The following CPS1 variants were observed in gnomAD, a reference collection of about 807,000 sequenced individuals.
CPS1 encodes the protein carbamoyl-phosphate synthase [ammonia], mitochondrial.
Under a neutral mutation model 174.6 loss-of-function variants are expected in CPS1, and 109 were observed. That is an observed-to-expected ratio of 0.62 (90% confidence interval 0.53 to 0.73). CPS1 has a LOEUF of 0.73. CPS1 is among the 30% of genes least tolerant of loss of function. CPS1 has a pLI of 0.00. For synonymous variants in CPS1, 637 were observed against 632.0 expected (o/e 1.01, Z -0.12); for missense variants, 1,689 against 1,821.9 (o/e 0.93, Z 1.33).
chr2:210,525,987 T>A (rs1197371152), intron 1 of CPS1, among the ~76,000 whole-genome samples: 1 of 150,732 alleles, frequency 6.6e-6, no homozygotes, highest in African/African-American at 2.4e-5. Context: ...CAATGAAGAG[T>A]CCACTGGGGA....
intron 30 of CPS1, chr2:210,657,701 C>G (rs1325765139): frequency 2.0e-5 from 3 of 152,256 alleles, no homozygotes; most frequent in African/African-American, 7.2e-5. Context: ...GTGAGCTTTT[C>G]CAGTGACCCT....
chr2:210,661,009 C>G (rs1350695537), intron 32 of CPS1, among the ~76,000 whole-genome samples: 1 of 152,216 alleles, frequency 6.6e-6, no homozygotes, highest in Non-Finnish European at 1.5e-5. Context: ...CCAACTCTTA[C>G]ATGACTTTTG....
At chr2:210,590,370 C>A in intron 8 of CPS1, 136 bp downstream of exon 8, 1 of 1,299,244 alleles carries the variant, frequency 7.7e-7, no homozygotes, top group Non-Finnish European at 1.1e-6. Flanking sequence ...GAGGCAGTGT[C>A]AGTAGAGATA....
chr2:210,608,386 A>G lies in CPS1; in HGVS notation c.2218A>G (p.Lys740Glu). The change falls in exon 19 of 38, where the codon AAG becomes GAG. Residue 740 changes from lysine (K) to glutamate (E), a missense_variant. Lys to Glu is a moderately conservative substitution (Grantham distance 56, BLOSUM62 1). Transcript: ENST00000233072. ...CTACCCATTGGCATTCATTGCTGCAAAGATTGCCCTAGGAATCCCACTTCC... is the reference window on the plus strand; with the variant it reads ...CTACCCATTGGCATTCATTGCTGCAGAGATTGCCCTAGGAATCCCACTTCC... ...TGYPLAFIAA[K>E]IALGIPLPEI... 6.2e-7 allele frequency: 1 copy of G among 1,612,278 alleles called. No homozygotes were observed. The highest frequency in any genetic ancestry group is 8.5e-7 in the Non-Finnish European group (1 of 1,178,846).
In CPS1 at chr2:210,497,135, G is replaced by C. The variant is rs149534888; in HGVS notation, c.3+19369G>C. Among the ~76,000 whole-genome samples, 60 of 151,940 alleles carry C rather than the reference G, an allele frequency of 3.9e-4. No individual in the cohort carries two copies. In the East Asian group the frequency reaches 9.9e-3, roughly 25 times the overall value. ...CTTCCAGATTTCATCTTACTATTTG[G>C]TCATCATTACATTTGACCCAGATTT... On this transcript the variant is annotated intron_variant, in intron 1 of 38. Coordinates refer to the CPS1 transcript ENST00000430249.
At chr2:210,554,061 A>G (rs555548185), upstream of CPS1, among the ~76,000 whole-genome samples, 3 of 148,860 alleles carry the variant, frequency 2.0e-5, no homozygotes, top group Admixed American at 2.0e-4. Context: ...GGACCATAAA[A>G]TATATATACA....
rs397987631 is a variant in CPS1, at chr2:210,661,903, CTTTTT to C, written c.3928-1204_3928-1200del. Among the ~76,000 whole-genome samples the C allele has an allele frequency of 5.6e-5, 6 of 106,648 alleles. No individual in the cohort carries two copies. In the East Asian group the frequency reaches 1.7e-3, roughly 30 times the overall value. The allele number at this position is 106,648 out of a possible 152,430, so 70.0% of individuals were successfully genotyped here. ...AAAATAATATTGATGGATAGATATG[CTTTTT>C]TTTTTTTTTTTTTTTGAGACGGAGT... On this transcript the variant is annotated intron_variant, in intron 32 of 37. Transcript: ENST00000233072.
intron 1 of CPS1, among the ~76,000 whole-genome samples, chr2:210,571,103 C>A (rs1039173871): frequency 6.6e-6 from 1 of 151,814 alleles, no homozygotes; most frequent in African/African-American, 2.4e-5. Flanking sequence ...GTATTAAGAT[C>A]ATTTCTTCCA....
intron 8 of CPS1, 97 bp from the exon 9 acceptor site, chr2:210,590,703 C>T: frequency 2.2e-6 from 2 of 894,118 alleles, no homozygotes; most frequent in Admixed American, 3.7e-5. Context: ...ATTCTCTTTA[C>T]CTTCTTAAGA....
At chr2:210,563,709 A>G (rs1390456926) in intron 1 of CPS1, among the ~76,000 whole-genome samples, 1 of 152,236 alleles carries the variant, frequency 6.6e-6, no homozygotes, top group Non-Finnish European at 1.5e-5. Context: ...TACTGAATGC[A>G]AAGGAGAACC....
At chr2:210,570,276 C>T (rs1697431326) in intron 1 of CPS1, among the ~76,000 whole-genome samples, 1 of 151,866 alleles carries the variant, frequency 6.6e-6, no homozygotes, top group African/African-American at 2.4e-5. Flanking sequence ...AGCAAAAAGA[C>T]ATATTGAACA....
At chr2:210,516,739 CTT>C (rs1695695316) in intron 1 of CPS1, among the ~76,000 whole-genome samples, 1 of 151,910 alleles carries the variant, frequency 6.6e-6, no homozygotes, top group South Asian at 2.1e-4. Context: ...GTCTTGCTAT[CTT>C]TATATATGCT....
At chr2:210,593,413 G>A (rs889123464) in intron 11 of CPS1, 25 of 1,060,098 alleles carry the variant, frequency 2.4e-5, no homozygotes, top group Non-Finnish European at 2.3e-5. Context: ...TTGGAGGGGA[G>A]AGAGGGCATG....
chr2:210,615,222 T>C (rs1036910885), intron 20 of CPS1, among the ~76,000 whole-genome samples: 9 of 151,866 alleles, frequency 5.9e-5, no homozygotes, highest in African/African-American at 2.2e-4. Flanking sequence ...CAGCTAATTG[T>C]GCCTTTAATC....
chr2:210,580,419 G>A (rs868433202), intron 5 of CPS1, among the ~76,000 whole-genome samples: 19 of 151,828 alleles, frequency 1.3e-4, no homozygotes, highest in Non-Finnish European at 2.5e-4. Flanking sequence ...TGCTTGTTGA[G>A]TTTATTATTA....
chr2:210,532,323 G>A (rs571966960), intron 1 of CPS1, among the ~76,000 whole-genome samples: 1 of 152,292 alleles, frequency 6.6e-6, no homozygotes, highest in South Asian at 2.1e-4. Context: ...AGGGGAATGT[G>A]TTGCTTGGAA....
intron 21 of CPS1, among the ~76,000 whole-genome samples, chr2:210,623,817 T>A (rs1699613828): frequency 6.6e-6 from 1 of 152,154 alleles, no homozygotes; most frequent in African/African-American, 2.4e-5. Flanking sequence ...TTTATTTAAC[T>A]TGCTCATGAG....
rs770935194 is a variant in CPS1, at chr2:210,582,674, A to G, written c.586A>G (p.Asn196Asp). 1.3e-5 allele frequency: 21 copies of G among 1,613,358 alleles called. No homozygotes were observed. The highest frequency in any genetic ancestry group is 1.7e-5 in the Non-Finnish European group (20 of 1,179,478). ...TCAGCCTGTGGATTTTGTGGATCCA[A>G]ATAAACAGAATTTGATTGCTGAGGT... is the stretch of plus-strand genomic sequence containing the variant. The part of the protein sequence containing the change: ...EGQPVDFVDP[N>D]KQNLIAEVST... Residue 196 changes from asparagine (N) to aspartate (D), a missense_variant, in exon 6 of 38, where the codon AAT becomes GAT. Transcript: ENST00000233072.
intron 1 of CPS1, among the ~76,000 whole-genome samples, chr2:210,559,748 C>T (rs1697038285): frequency 1.3e-5 from 2 of 151,984 alleles, no homozygotes; most frequent in Admixed American, 1.3e-4. Flanking sequence ...TTCCTAATGC[C>T]CTGTTCTTGG....
Sources: gnomAD v4.1 joint callset for allele counts (sites outside exome capture counted in the v4.1 genomes callset) on GRCh38, gnomAD v4.1.1 for gene constraint, MANE v1.5 for transcripts, NCBI Gene and HGNC (gene_info 2026-07-23, HGNC 2026-07-21) for gene names.